The following BRINP2 variants were observed in gnomAD, a reference collection of about 807,000 sequenced individuals.
The protein encoded by BRINP2 is BMP/retinoic acid-inducible neural-specific protein 2.
In BRINP2, 21 loss-of-function variants were observed where a neutral mutation model predicts 69.2. That is an observed-to-expected ratio of 0.30 (90% confidence interval 0.22 to 0.44). BRINP2 has a LOEUF of 0.44. Among genes scored for constraint, BRINP2 ranks in the 20% least tolerant of loss-of-function variants. BRINP2 has a pLI of 1.00. For missense variants in BRINP2, 877 were observed against 986.0 expected (o/e 0.89, Z 1.48); for synonymous variants, 380 against 394.1 (o/e 0.96, Z 0.42).
At chr1:177,217,440 A>T (rs1193098506) in intron 1 of BRINP2, among the ~76,000 whole-genome samples, 2 of 152,186 alleles carry the variant, frequency 1.3e-5, no homozygotes, top group Non-Finnish European at 2.9e-5. Context: ...ATCTTCTTGA[A>T]GTTTACTAAA....
chr1:177,277,056 A>G (rs577816317), intron 6 of BRINP2, among the ~76,000 whole-genome samples: 1 of 152,346 alleles, frequency 6.6e-6, no homozygotes, highest in African/African-American at 2.4e-5. Flanking sequence ...AGAACTCTGC[A>G]TGGTATATTT....
At chr1:177,215,894 C>T (rs1286008874) in intron 1 of BRINP2, among the ~76,000 whole-genome samples, 1 of 151,954 alleles carries the variant, frequency 6.6e-6, no homozygotes, top group Non-Finnish European at 1.5e-5. Flanking sequence ...TTTTTTGTCT[C>T]CTTTTACAGT....
chr1:177,201,454 C>T (rs10798504), intron 1 of BRINP2, among the ~76,000 whole-genome samples: 88,629 of 152,090 alleles, frequency 0.58, 27,474 homozygotes, highest in African/African-American at 0.8. Context: ...TTGCCTGTCA[C>T]TGGAAGTCAA....
chr1:177,253,057 T>G (rs950337273), intron 2 of BRINP2, among the ~76,000 whole-genome samples: 6 of 152,174 alleles, frequency 3.9e-5, no homozygotes, highest in African/African-American at 1.4e-4. Flanking sequence ...CCTTTGAATA[T>G]GTACCTAGTA....
intron 2 of BRINP2, among the ~76,000 whole-genome samples, chr1:177,254,256 C>A (rs1234793129): frequency 6.6e-6 from 1 of 152,030 alleles, no homozygotes; most frequent in Admixed American, 6.6e-5. Context: ...GACATTTGCA[C>A]TGAAGGTACA....
rs1483963741 is a variant in BRINP2, at chr1:177,281,202, G to A, written c.2026G>A (p.Gly676Ser). The A allele has an allele frequency of 5.6e-6, 9 of 1,614,140 alleles. No homozygotes were observed. Among genetic ancestry groups the A allele is most frequent in the Non-Finnish European group, 3.4e-6 (4 of 1,180,024 alleles). The part of the protein sequence containing the change: ...LEMTDPSKNL[G>S]YMKINTLQVF... ...GATGACTGATCCCTCTAAGAATTTG[G>A]GTTACATGAAAATTAACACCTTGCA... is the stretch of plus-strand genomic sequence containing the variant. The change falls in exon 8 of 8, where the codon GGT (glycine) becomes AGT (serine). Residue 676 changes from glycine to serine, a missense_variant. Transcript: ENST00000361539.
chr1:177,178,913 T>C (rs1274987193), intron 1 of BRINP2, among the ~76,000 whole-genome samples: 6 of 152,192 alleles, frequency 3.9e-5, no homozygotes, highest in African/African-American at 1.4e-4. Context: ...TTGCCGATAA[T>C]AGCTAACACC....
intron 1 of BRINP2, among the ~76,000 whole-genome samples, chr1:177,221,136 T>C (rs138763017): frequency 4.6e-5 from 7 of 152,310 alleles, no homozygotes; most frequent in Middle Eastern, 6.8e-3. Flanking sequence ...ATGTAAATAG[T>C]ATTAAGGACT....
intron 1 of BRINP2, among the ~76,000 whole-genome samples, chr1:177,200,181 A>G (rs898750802): frequency 2.0e-5 from 3 of 150,600 alleles, no homozygotes; most frequent in Admixed American, 6.7e-5. Context: ...GATCCCAGCT[A>G]CTTGGGATGC....
intron 2 of BRINP2, among the ~76,000 whole-genome samples, chr1:177,238,219 A>T (rs1650088526): frequency 6.6e-6 from 1 of 152,240 alleles, no homozygotes; most frequent in African/African-American, 2.4e-5. Context: ...TATAGTAAAA[A>T]GTCTGGGTGA....
chr1:177,178,047 A>G (rs557891584), intron 1 of BRINP2, among the ~76,000 whole-genome samples: 1 of 152,160 alleles, frequency 6.6e-6, no homozygotes, highest in Non-Finnish European at 1.5e-5. Flanking sequence ...TTTCTCTCAC[A>G]CTGCCCCTAC....
chr1:177,197,369 G>A (rs1264209942), intron 1 of BRINP2, among the ~76,000 whole-genome samples: 3 of 152,108 alleles, frequency 2.0e-5, no homozygotes, highest in South Asian at 4.1e-4. Flanking sequence ...TGAAGGAGCC[G>A]CCTGTATGAT....
intron 1 of BRINP2, among the ~76,000 whole-genome samples, chr1:177,179,631 G>T (rs1261745109): frequency 6.8e-6 from 1 of 147,614 alleles, no homozygotes. Flanking sequence ...CTGTTTTGCT[G>T]AACCACTTTA....
In BRINP2 at chr1:177,278,752, A is replaced by G. The variant is rs200651809; in HGVS notation, c.1202A>G (p.His401Arg). The G allele has an allele frequency of 6.2e-7, 1 of 1,614,160 alleles. No individual in the cohort carries two copies. Among genetic ancestry groups the G allele is most frequent in the Non-Finnish European group, 8.5e-7 (1 of 1,180,044 alleles). ...CTCTTCAACCTCTGCAAGCGCTGCCATCGCCAGCCTCGCTTCCGCCTGCCC... is the reference window on the plus strand; with the variant it reads ...CTCTTCAACCTCTGCAAGCGCTGCCGTCGCCAGCCTCGCTTCCGCCTGCCC... Reference protein sequence around the residue: ...RRLFNLCKRCHRQPRFRLPKE... With the variant: ...RRLFNLCKRCRRQPRFRLPKE... Residue 401 changes from histidine (H) to arginine (R), a missense_variant, in exon 7 of 8, where the codon CAT (histidine) becomes CGT (arginine). His to Arg is a conservative substitution (Grantham distance 29). Coordinates refer to ENST00000361539, the MANE Select transcript of BRINP2 (RefSeq NM_021165.4).
chr1:177,221,371 T>C (rs904547120), intron 1 of BRINP2, among the ~76,000 whole-genome samples: 3 of 152,290 alleles, frequency 2.0e-5, no homozygotes, highest in Admixed American at 2.0e-4. Context: ...AATTTTACCA[T>C]TGACACACAT....
At chr1:177,195,841 T>C (rs1278060638) in intron 1 of BRINP2, among the ~76,000 whole-genome samples, 1 of 152,076 alleles carries the variant, frequency 6.6e-6, no homozygotes, top group Non-Finnish European at 1.5e-5. Flanking sequence ...GGTAGCATTG[T>C]TGATAACAGA....
intron 1 of BRINP2, among the ~76,000 whole-genome samples, chr1:177,192,752 A>G (rs1172640510): frequency 6.6e-6 from 1 of 152,240 alleles, no homozygotes; most frequent in East Asian, 1.9e-4. Context: ...AACCCTTTCT[A>G]CAAATATCTA....
At chr1:177,177,759 C>T (rs1648134091) in intron 1 of BRINP2, among the ~76,000 whole-genome samples, 1 of 152,150 alleles carries the variant, frequency 6.6e-6, no homozygotes, top group Non-Finnish European at 1.5e-5. Flanking sequence ...TGCTAGATCT[C>T]TCAAAGGGTT....
rs141382711 is a variant in BRINP2 at position 177,281,269 on chromosome 1, G to A, written c.2093G>A (p.Arg698Gln). 29 of 1,613,972 alleles carry A rather than the reference G, an allele frequency of 1.8e-5. No individual in the cohort carries two copies. Among genetic ancestry groups the A allele is most frequent in the Admixed American group, 1.5e-4 (9 of 60,002 alleles). ...CTGCCCTTTGACCCAGATGCTATCC[G>A]GGACTTAATTCTCCAGTTGGACTAC... ...YSLPFDPDAI[R>Q]DLILQLDYPY... Residue 698 changes from arginine (R) to glutamine (Q), a missense_variant, in exon 8 of 8, where the codon CGG becomes CAG. Coordinates refer to ENST00000361539, the MANE Select transcript of BRINP2 (RefSeq NM_021165.4).
Sources: allele counts gnomAD v4.1 joint callset (sites outside exome capture counted in the v4.1 genomes callset), GRCh38; gene constraint gnomAD v4.1.1; transcripts MANE v1.5; gene names NCBI Gene and HGNC (gene_info 2026-07-23, HGNC 2026-07-21).